ETV6: variants seen among roughly 807,000 people sequenced by gnomAD.
ETV6 encodes ETS variant transcription factor 6, also known as transcription factor ETV6.
Under a neutral mutation model 51.1 loss-of-function variants are expected in ETV6, and 16 were observed. The ratio of observed to expected loss-of-function variants is 0.31; its 90% CI spans 0.21 to 0.48. The LOEUF (loss-of-function observed/expected upper bound fraction) is 0.48. Ranked by LOEUF, ETV6 falls within the 20% of genes least tolerant of loss-of-function variation. The pLI is 0.99. For synonymous variants in ETV6, 240 were observed against 224.1 expected (o/e 1.07, Z -0.64); for missense variants, 458 against 594.8 (o/e 0.77, Z 2.39).
intron 1 of ETV6, among the ~76,000 whole-genome samples, chr12:11,737,876 G>C (rs1417048320): frequency 6.6e-6 from 1 of 152,114 alleles, no homozygotes; most frequent in Admixed American, 6.5e-5. Context: ...CACTTTTTTT[G>C]TAGTTTTAGG....
intron 2 of ETV6, among the ~76,000 whole-genome samples, chr12:11,760,790 G>A (rs1039751547): frequency 5.3e-5 from 8 of 152,102 alleles, no homozygotes; most frequent in Non-Finnish European, 7.4e-5. Context: ...GAGGTCAACC[G>A]TGTTTAAGAT....
chr12:11,719,644 G>A (rs141095425), intron 1 of ETV6, among the ~76,000 whole-genome samples: 6 of 152,350 alleles, frequency 3.9e-5, no homozygotes, highest in African/African-American at 1.4e-4. Context: ...TCACAGGGAG[G>A]AACTTGATGG....
chr12:11,705,461 G>A (rs755929636), intron 1 of ETV6, among the ~76,000 whole-genome samples: 3 of 152,160 alleles, frequency 2.0e-5, no homozygotes, highest in Non-Finnish European at 4.4e-5. Context: ...TAGATTATCT[G>A]CATTGGGATA....
intron 1 of ETV6, among the ~76,000 whole-genome samples, chr12:11,650,508 A>C (rs1351941178): frequency 4.0e-5 from 6 of 150,192 alleles, no homozygotes; most frequent in Non-Finnish European, 7.4e-5. Context: ...AAAAACAAAA[A>C]AAAAAAACCT....
intron 1 of ETV6, among the ~76,000 whole-genome samples, chr12:11,726,665 G>T (rs1266228562): frequency 6.6e-6 from 1 of 151,682 alleles, no homozygotes; most frequent in African/African-American, 2.4e-5. Context: ...AGCTACTTGG[G>T]AGGCTGAGGT....
At chr12:11,709,759 T>A (rs192088075) in intron 1 of ETV6, among the ~76,000 whole-genome samples, 2 of 152,352 alleles carry the variant, frequency 1.3e-5, no homozygotes, top group East Asian at 3.9e-4. Context: ...GTTGAAGGCC[T>A]GAATAGAACC....
At chr12:11,800,258 C>T (rs1945727732) in intron 2 of ETV6, among the ~76,000 whole-genome samples, 1 of 152,110 alleles carries the variant, frequency 6.6e-6, no homozygotes, top group Non-Finnish European at 1.5e-5. Context: ...ATCCCCATCA[C>T]ATTTTAAATT....
intron 2 of ETV6, among the ~76,000 whole-genome samples, chr12:11,794,372 TTC>T (rs1371319926): frequency 6.6e-6 from 1 of 152,196 alleles, no homozygotes; most frequent in Non-Finnish European, 1.5e-5. Flanking sequence ...TAGGGCTGTG[TTC>T]TTTCTCAGTT....
chr12:11,651,100 C>T (rs1463057481), intron 1 of ETV6, among the ~76,000 whole-genome samples: 1 of 152,200 alleles, frequency 6.6e-6, no homozygotes, highest in African/African-American at 2.4e-5. Flanking sequence ...TCCATCTACC[C>T]GTGTTATTTT....
chr12:11,725,734 T>A (rs1207918291), intron 1 of ETV6, among the ~76,000 whole-genome samples: 1 of 152,170 alleles, frequency 6.6e-6, no homozygotes, highest in Non-Finnish European at 1.5e-5. Flanking sequence ...TCTCGCTCTG[T>A]TAGTTCTCAC....
intron 1 of ETV6, among the ~76,000 whole-genome samples, chr12:11,663,396 C>T (rs577473829): frequency 1.4e-4 from 21 of 152,268 alleles, no homozygotes; most frequent in Admixed American, 6.5e-4. Context: ...TCTTGGGCAC[C>T]GTCCTGCATT....
rs1346826485 is a variant in ETV6 at position 11,775,769 on chromosome 12, CG to C, written c.163+23191del. ...GGAACGTGATAAACCATACAAGCAG[CG>C]CATCCAAGAAGTGGTTTCTGAGCAG... On this transcript the variant is annotated intron_variant, in intron 2 of 7. Coordinates refer to ENST00000396373, the MANE Select transcript of ETV6 (RefSeq NM_001987.5). 2.0e-5 allele frequency among the ~76,000 whole-genome samples: 3 copies of C among 152,334 alleles called. No individual in the cohort carries two copies. The East Asian group carries it at 5.8e-4, about 29-fold the overall frequency.
intron 2 of ETV6, among the ~76,000 whole-genome samples, chr12:11,765,912 G>A (rs1236230939): frequency 6.6e-6 from 1 of 152,214 alleles, no homozygotes; most frequent in Non-Finnish European, 1.5e-5. Context: ...AGACTGTCCT[G>A]GGACAGTCCC....
At chr12:11,879,795 T>G (rs761657704) in intron 5 of ETV6, among the ~76,000 whole-genome samples, 1 of 152,272 alleles carries the variant, frequency 6.6e-6, no homozygotes, top group South Asian at 2.1e-4. Flanking sequence ...TGTTTTGAAG[T>G]GGAGTGAACT....
At position 11,818,073 on chromosome 12, in the gene ETV6, T is replaced by C. The variant is rs142493973; in HGVS notation, c.164-21067T>C. On this transcript the variant is annotated intron_variant, in intron 2 of 7. Coordinates refer to ENST00000396373, the MANE Select transcript of ETV6 (RefSeq NM_001987.5). ...ACAGGGAGGGGTGTTGGGAGGTGTG[T>C]ATCTGGATGAAGGCAGGTATGGAAA... Among the ~76,000 whole-genome samples the C allele has an allele frequency of 1.3e-3, 196 of 152,228 alleles. 2 individuals are homozygous for C. The highest frequency in any genetic ancestry group is 4.1e-3 in the African/African-American group (169 of 41,530).
intron 2 of ETV6, among the ~76,000 whole-genome samples, chr12:11,780,768 A>G (rs1565523508): frequency 6.6e-6 from 1 of 152,330 alleles, no homozygotes; most frequent in East Asian, 1.9e-4. Context: ...AGCTCTGCCA[A>G]TCTTGGGATT....
intron 2 of ETV6, among the ~76,000 whole-genome samples, chr12:11,810,127 G>A (rs1945891866): frequency 6.6e-6 from 1 of 152,088 alleles, no homozygotes; most frequent in African/African-American, 2.4e-5. Flanking sequence ...CTGGAATGGA[G>A]CATTTTACTT....
intron 1 of ETV6, among the ~76,000 whole-genome samples, chr12:11,701,520 C>G (rs1040603675): frequency 4.6e-5 from 7 of 152,258 alleles, no homozygotes; most frequent in Admixed American, 2.0e-4. Context: ...TCTCTGTAGC[C>G]AGAGGTAGAT....
chr12:11,825,433 TCTGGGGAAAAAA>T (rs1341856987), intron 2 of ETV6, among the ~76,000 whole-genome samples: 4 of 152,194 alleles, frequency 2.6e-5, no homozygotes, highest in Non-Finnish European at 5.9e-5. Context: ...AATAGGAGTC[TCTGGGGAAAAAA>T]CCACAAAGCA....
Sources: allele counts gnomAD v4.1 joint callset (sites outside exome capture counted in the v4.1 genomes callset), GRCh38; gene constraint gnomAD v4.1.1; transcripts MANE v1.5; gene names NCBI Gene and HGNC (gene_info 2026-07-23, HGNC 2026-07-21).